Variants in ATP2B2 observed in about 807,000 individuals in gnomAD.
ATP2B2 encodes ATPase plasma membrane Ca2+ transporting 2.
In ATP2B2, 15 loss-of-function variants were observed where a neutral mutation model predicts 120.0. The observed-to-expected ratio is 0.12, with a 90% CI of 0.08 to 0.19. The LOEUF is 0.19. ATP2B2 is among the 10% of genes least tolerant of loss of function. ATP2B2 has a pLI of 1.00. For synonymous variants in ATP2B2, 694 were observed against 700.3 expected, an observed-to-expected ratio of 0.99 and a Z score of 0.14; for missense variants, 1,045 against 1,719.8, an observed-to-expected ratio of 0.61 and a Z score of 6.94.
At chr3:10,628,190 A>C (rs1407144843) in intron 1 of ATP2B2, among the ~76,000 whole-genome samples, 1 of 152,240 alleles carries the variant, frequency 6.6e-6, no homozygotes, top group Non-Finnish European at 1.5e-5. Flanking sequence ...GCCCATGGCC[A>C]GGGCTTTGGA....
chr3:10,451,495 C>A (rs1474849465), intron 1 of ATP2B2, among the ~76,000 whole-genome samples: 13 of 152,218 alleles, frequency 8.5e-5, no homozygotes, highest in African/African-American at 3.1e-4. Context: ...GTATTCAAAT[C>A]CAGTGTGTTT....
At chr3:10,339,627 C>T (rs1263451085) in intron 21 of ATP2B2, among the ~76,000 whole-genome samples, 2 of 152,178 alleles carry the variant, frequency 1.3e-5, no homozygotes, top group African/African-American at 4.8e-5. Context: ...GCATCCAGCC[C>T]AAGGAGCCCC....
In ATP2B2 at chr3:10,340,426, G is replaced by T. The variant is rs924072018; in HGVS notation, c.3129+67C>A. ...CAGCACAGAGGGCTGGGCTCTCAGG[G>T]TCCTGCCCAGGGGCTCCAGCCGCTT... On this transcript the variant is annotated intron_variant, in intron 20 of 22. Coordinates refer to ENST00000360273, the MANE Select transcript of ATP2B2 (RefSeq NM_001001331.4). This position sits in a 1 kb window ranked among gnomAD's most constrained non-coding sequence, Gnocchi z 5.0. The T allele has an allele frequency of 3.0e-5, 49 of 1,612,792 alleles. No individual in the cohort carries two copies. In the African/African-American group the frequency reaches 6.4e-4, roughly 21 times the overall value.
At chr3:10,657,683 C>T (rs1366769396) in intron 1 of ATP2B2, among the ~76,000 whole-genome samples, 9 of 152,224 alleles carry the variant, frequency 5.9e-5, no homozygotes, top group East Asian at 1.9e-4. Flanking sequence ...AGAGCATAGC[C>T]GAACAAAAGG....
At chr3:10,622,431 G>T (rs961891798) in intron 1 of ATP2B2, among the ~76,000 whole-genome samples, 1 of 152,130 alleles carries the variant, frequency 6.6e-6, no homozygotes, top group African/African-American at 2.4e-5. Flanking sequence ...CTGCATCCAG[G>T]TTTTTCTGTC....
chr3:10,695,239 G>GGAGT (rs2071724294), intron 1 of ATP2B2, among the ~76,000 whole-genome samples: 1 of 114,524 alleles, frequency 8.7e-6, no homozygotes, highest in Admixed American at 7.9e-5. Flanking sequence ...AGCAGGCAAA[G>GGAGT]GAGGGAGGGA....
chr3:10,578,939 C>T (rs1431063312), intron 2 of ATP2B2, among the ~76,000 whole-genome samples: 2 of 152,194 alleles, frequency 1.3e-5, no homozygotes, highest in Non-Finnish European at 2.9e-5. Context: ...GGGCGGTGGC[C>T]TCCTGGGGAG....
At chr3:10,626,088 A>T (rs2069690998) in intron 1 of ATP2B2, 1 of 152,206 alleles carries the variant, frequency 6.6e-6, no homozygotes, top group African/African-American at 2.4e-5. Context: ...AGTACTTTTT[A>T]GTACAGGTGT....
At position 10,355,202 on chromosome 3, in the gene ATP2B2, T is replaced by C. The variant is rs73129257; in HGVS notation, c.2136+3489A>G. On this transcript the variant is annotated intron_variant, in intron 14 of 22. Transcript: ENST00000360273. ...TTATGCTTGCACGTGGTGTCACCTG[T>C]AACCCTGCTGTGTCCCTCACTGTGA... 8.3e-3 allele frequency among the ~76,000 whole-genome samples: 1,260 copies of C among 152,302 alleles called. 19 individuals carry two copies. The highest frequency in any genetic ancestry group is 0.028 in the East Asian group (147 of 5,180).
At chr3:10,627,296 C>T (rs994326571) in intron 1 of ATP2B2, among the ~76,000 whole-genome samples, 1 of 152,222 alleles carries the variant, frequency 6.6e-6, no homozygotes, top group African/African-American at 2.4e-5. Flanking sequence ...TGGGCTCCAT[C>T]TCGCTCTGCC....
chr3:10,486,312 T>TGTGTGTGTGTGC (rs1331779709), intron 1 of ATP2B2, among the ~76,000 whole-genome samples: 33 of 110,318 alleles, frequency 3.0e-4, no homozygotes, highest in Admixed American at 5.5e-4. Context: ...AGCAGCCAGG[T>TGTGTGTGTGTGC]GTGTGTGCGT....
intron 1 of ATP2B2, among the ~76,000 whole-genome samples, chr3:10,489,376 G>T (rs2065850163): frequency 6.6e-6 from 1 of 152,208 alleles, no homozygotes; most frequent in Non-Finnish European, 1.5e-5. Context: ...TAGGCCCCCA[G>T]ACAGCGTTTG....
At chr3:10,380,537 G>C (rs2061503249) in intron 8 of ATP2B2, among the ~76,000 whole-genome samples, 1 of 152,226 alleles carries the variant, frequency 6.6e-6, no homozygotes, top group Non-Finnish European at 1.5e-5. Flanking sequence ...ATTTATGGAT[G>C]AGAAACTGAG....
chr3:10,370,836 C>T (rs2061218443), intron 12 of ATP2B2, among the ~76,000 whole-genome samples: 1 of 152,170 alleles, frequency 6.6e-6, no homozygotes, highest in South Asian at 2.1e-4. Flanking sequence ...CGTTCTACAT[C>T]TGGGAGCTGA....
At chr3:10,577,990 G>A (rs200195155) in intron 2 of ATP2B2, among the ~76,000 whole-genome samples, 4 of 152,218 alleles carry the variant, frequency 2.6e-5, no homozygotes, top group East Asian at 3.9e-4. Flanking sequence ...ACACAGTCCC[G>A]AAATCCAGAA....
intron 2 of ATP2B2, 25 bp downstream of exon 2, chr3:10,449,320 C>T (rs1264852410): frequency 6.2e-7 from 1 of 1,613,716 alleles, no homozygotes; most frequent in African/African-American, 1.3e-5. Flanking sequence ...GGCTGCAGCC[C>T]TGGGTTCAAG....
At position 10,343,366 on chromosome 3, in the gene ATP2B2, C is replaced by T. The variant is rs1444959586; in HGVS notation, c.2704-401G>A. 2.6e-5 allele frequency among the ~76,000 whole-genome samples: 4 copies of T among 151,350 alleles called. No homozygotes were observed. Among genetic ancestry groups the T allele is most frequent in the Admixed American group, 6.6e-5 (1 of 15,226 alleles). On this transcript the variant is annotated intron_variant, in intron 18 of 22. Transcript: ENST00000360273. The surrounding 1 kb of genome is among the most constrained non-coding windows in gnomAD (Gnocchi z 4.2). ...CCTCCCCCCACTGCCTCCTCCCCCT[C>T]GGGCTTTCTATCCTACAAACAGTGC... is the stretch of plus-strand genomic sequence containing the variant.
At chr3:10,454,424 A>G (rs2064181932) in intron 1 of ATP2B2, among the ~76,000 whole-genome samples, 3 of 152,360 alleles carry the variant, frequency 2.0e-5, no homozygotes, top group African/African-American at 7.2e-5. Flanking sequence ...AGTGTGAGCC[A>G]GTATAGAGGG....
intron 1 of ATP2B2, among the ~76,000 whole-genome samples, chr3:10,466,377 C>A (rs1575314922): frequency 6.6e-6 from 1 of 152,164 alleles, no homozygotes; most frequent in African/African-American, 2.4e-5. Context: ...AGCTAGCCTG[C>A]ACACGTCTGA....
Sources: gnomAD v4.1 joint callset for allele counts (sites outside exome capture counted in the v4.1 genomes callset) on GRCh38, gnomAD v4.1.1 for gene constraint, Gnocchi (gnomAD v3.1) non-coding constraint, MANE v1.5 for transcripts, NCBI Gene and HGNC (gene_info 2026-07-23, HGNC 2026-07-21) for gene names.